Variants in HIBADH observed in about 807,000 individuals in gnomAD.
The protein encoded by HIBADH is 3-hydroxyisobutyrate dehydrogenase, mitochondrial.
A neutral mutation model predicts 36.1 loss-of-function variants in HIBADH; 25 were observed. The ratio of observed to expected loss-of-function variants is 0.69; its 90% CI spans 0.50 to 0.97. HIBADH has a LOEUF of 0.97. Ranked by LOEUF, HIBADH falls within the 50% of genes least tolerant of loss-of-function variation. HIBADH has a pLI of 0.00. For synonymous variants in HIBADH, 160 were observed against 149.5 expected, an observed-to-expected ratio of 1.07 and a Z score of -0.51; for missense variants, 421 against 418.0, an observed-to-expected ratio of 1.01 and a Z score of -0.06.
chr7:27,595,509 C>T (rs2128289557), intron 4 of HIBADH, among the ~76,000 whole-genome samples: 1 of 148,726 alleles, frequency 6.7e-6, no homozygotes, highest in African/African-American at 2.5e-5. Context: ...TGCACTCCAG[C>T]CTAGGCGAAA....
At chr7:27,605,314 A>C (rs1486844250) in intron 4 of HIBADH, among the ~76,000 whole-genome samples, 2 of 152,096 alleles carry the variant, frequency 1.3e-5, no homozygotes, top group Non-Finnish European at 2.9e-5. Context: ...TCAAGAATTT[A>C]CTTTCCCAAA....
At chr7:27,540,155 G>C (rs1277808855) in intron 5 of HIBADH, among the ~76,000 whole-genome samples, 1 of 152,126 alleles carries the variant, frequency 6.6e-6, no homozygotes, top group Non-Finnish European at 1.5e-5. Context: ...GTACCAATCC[G>C]TCTTCCACTG....
At chr7:27,561,623 C>A (rs1030160553) in intron 4 of HIBADH, among the ~76,000 whole-genome samples, 3 of 151,980 alleles carry the variant, frequency 2.0e-5, no homozygotes, top group Non-Finnish European at 4.4e-5. Context: ...CTACATGTGT[C>A]CACCTGATCA....
At chr7:27,592,118 C>G (rs1784948729) in intron 4 of HIBADH, among the ~76,000 whole-genome samples, 1 of 152,224 alleles carries the variant, frequency 6.6e-6, no homozygotes, top group Non-Finnish European at 1.5e-5. Flanking sequence ...CTCTATTAAT[C>G]TTTTAAAACA....
At chr7:27,580,558 C>G (rs944300082) in intron 4 of HIBADH, among the ~76,000 whole-genome samples, 2 of 152,118 alleles carry the variant, frequency 1.3e-5, no homozygotes, top group African/African-American at 4.8e-5. Context: ...TCATAAAACA[C>G]AAGGAAAGAT....
chr7:27,629,529 T>A (rs772554774), intron 3 of HIBADH, 37 bp from the exon 4 acceptor site: 1 of 1,442,598 alleles, frequency 6.9e-7, no homozygotes, highest in Non-Finnish European at 9.3e-7. Context: ...AGTTTACAAC[T>A]CTGAGTAAAA....
At chr7:27,638,791 A>G (rs1785905224) in intron 2 of HIBADH, among the ~76,000 whole-genome samples, 1 of 152,340 alleles carries the variant, frequency 6.6e-6, no homozygotes, top group East Asian at 1.9e-4. Flanking sequence ...GGACATGAAC[A>G]GACACTTTTC....
intron 4 of HIBADH, among the ~76,000 whole-genome samples, chr7:27,600,291 A>C (rs1166384267): frequency 6.6e-6 from 1 of 151,638 alleles, no homozygotes; most frequent in Non-Finnish European, 1.5e-5. Context: ...TTTTTTTTTA[A>C]ATGAAGAATC....
chr7:27,584,244 G>A (rs1048354286), intron 4 of HIBADH, among the ~76,000 whole-genome samples: 1 of 151,940 alleles, frequency 6.6e-6, no homozygotes, highest in Admixed American at 6.6e-5. Flanking sequence ...CCTCTATTTT[G>A]TACTTTGCAT....
At chr7:27,526,395 A>C in intron 7 of HIBADH, 23 bp from the exon 8 acceptor site, 1 of 1,587,780 alleles carries the variant, frequency 6.3e-7, no homozygotes, top group Non-Finnish European at 8.6e-7. Context: ...GGAGGAGAGA[A>C]CACGCTGAGA....
At chr7:27,596,442 T>C (rs998863967) in intron 4 of HIBADH, among the ~76,000 whole-genome samples, 22 of 152,276 alleles carry the variant, frequency 1.4e-4, no homozygotes, top group Admixed American at 1.1e-3. Context: ...TTCTCCTACA[T>C]TGTTGGTGGA....
At chr7:27,538,263 T>C in intron 6 of HIBADH, 78 bp downstream of exon 6, 1 of 1,082,798 alleles carries the variant, frequency 9.2e-7, no homozygotes, top group Admixed American at 1.9e-5. Flanking sequence ...CTCTCATGAA[T>C]ATCATTTTTT....
chr7:27,593,736 G>A (rs1245640403), intron 4 of HIBADH, among the ~76,000 whole-genome samples: 1 of 151,946 alleles, frequency 6.6e-6, no homozygotes, highest in African/African-American at 2.4e-5. Flanking sequence ...AGGAAAAAAA[G>A]GCACAAAATG....
In HIBADH at chr7:27,629,460, G is replaced by C. The variant is rs1785709154; in HGVS notation, c.395C>G (p.Ser132Cys). The change falls in exon 4 of 8, where the codon TCC (serine) becomes TGC (cysteine). Residue 132 changes from serine to cysteine, a missense_variant. Transcript: ENST00000265395. ...TGAAACTGCAGGATCAATAGTGCTGGAATCTATTAATAATGAGCCCTTCTT... is the reference window on the plus strand; with the variant it reads ...TGAAACTGCAGGATCAATAGTGCTGCAATCTATTAATAATGAGCCCTTCTT... ...KVKKGSLLID[S>C]STIDPAVSKE... 1 of 1,603,438 alleles carries C rather than the reference G, an allele frequency of 6.2e-7. No individual in the cohort carries two copies. Among genetic ancestry groups the C allele is most frequent in the East Asian group, 2.2e-5 (1 of 44,594 alleles).
At chr7:27,586,951 A>G (rs997812788) in intron 4 of HIBADH, among the ~76,000 whole-genome samples, 12 of 152,246 alleles carry the variant, frequency 7.9e-5, no homozygotes, top group Non-Finnish European at 1.5e-4. Context: ...TCCAGCTGCC[A>G]GTCTGGGCGG....
chr7:27,641,636 C>G (rs1458571052), intron 2 of HIBADH, among the ~76,000 whole-genome samples: 7 of 152,164 alleles, frequency 4.6e-5, no homozygotes, highest in Non-Finnish European at 8.8e-5. Flanking sequence ...AGAATGTTGA[C>G]ATTTTAATAT....
chr7:27,551,638 C>A (rs1049134717), intron 4 of HIBADH, among the ~76,000 whole-genome samples: 6 of 152,122 alleles, frequency 3.9e-5, no homozygotes, highest in African/African-American at 1.4e-4. Context: ...ATAAGGAGAT[C>A]ATTTTCAATT....
At chr7:27,533,477 G>T (rs1428605470) in intron 6 of HIBADH, among the ~76,000 whole-genome samples, 1 of 151,780 alleles carries the variant, frequency 6.6e-6, no homozygotes, top group Non-Finnish European at 1.5e-5. Flanking sequence ...CCCTCCCCCT[G>T]CCCCCACCCG....
intron 4 of HIBADH, among the ~76,000 whole-genome samples, chr7:27,615,357 T>A (rs1277987460): frequency 6.6e-6 from 1 of 152,178 alleles, no homozygotes; most frequent in Non-Finnish European, 1.5e-5. Context: ...AAGTCACTTA[T>A]CCTCTTTGAA....
Sources: allele counts gnomAD v4.1 joint callset (sites outside exome capture counted in the v4.1 genomes callset), GRCh38; gene constraint gnomAD v4.1.1; transcripts MANE v1.5; gene names NCBI Gene and HGNC (gene_info 2026-07-23, HGNC 2026-07-21).